The following UBE2B variants were observed in gnomAD, a reference collection of about 807,000 sequenced individuals.
UBE2B encodes ubiquitin-conjugating enzyme E2 B.
UBE2B carries 11 observed loss-of-function variants against 24.6 expected under a neutral mutation model. The observed-to-expected ratio is 0.45, with a 90% CI of 0.28 to 0.74. The LOEUF (loss-of-function observed/expected upper bound fraction) is 0.74. UBE2B is among the 30% of genes least tolerant of loss of function. The pLI is 0.13. For missense variants in UBE2B, 78 were observed against 185.6 expected, an observed-to-expected ratio of 0.42 and a Z score of 3.37; for synonymous variants, 68 against 62.4, an observed-to-expected ratio of 1.09 and a Z score of -0.42.
intron 1 of UBE2B, among the ~76,000 whole-genome samples, chr5:134,372,539 C>T (rs2149689012): frequency 6.6e-6 from 1 of 152,262 alleles, no homozygotes; most frequent in East Asian, 1.9e-4. Context: ...AACATTTTTT[C>T]TGGGGACACC....
chr5:134,388,207 G>A, intron 4 of UBE2B, 118 bp from the exon 5 acceptor site: 1 of 807,274 alleles, frequency 1.2e-6, no homozygotes, highest in South Asian at 1.5e-5. Context: ...TGATACAGAA[G>A]AATTTAGTTA....
chr5:134,379,666 GAAGA>G (rs139861752), intron 3 of UBE2B, among the ~76,000 whole-genome samples: 1,665 of 147,454 alleles, frequency 0.011, 29 homozygotes, highest in African/African-American at 0.04. Context: ...AAAAAAAAAG[GAAGA>G]AAGAAAGAAA....
chr5:134,378,151 C>T (rs2149691158), intron 3 of UBE2B, among the ~76,000 whole-genome samples: 1 of 152,316 alleles, frequency 6.6e-6, no homozygotes, highest in South Asian at 2.1e-4. Flanking sequence ...GCCTGGGTGA[C>T]AGAGTGAGAC....
chr5:134,386,457 C>T (rs1398117712), intron 4 of UBE2B, among the ~76,000 whole-genome samples: 1 of 151,936 alleles, frequency 6.6e-6, no homozygotes, highest in Non-Finnish European at 1.5e-5. Context: ...TATGGCAAAA[C>T]CCCGTCTCTA....
At chr5:134,380,102 G>A (rs1387909609) in intron 3 of UBE2B, among the ~76,000 whole-genome samples, 1 of 152,106 alleles carries the variant, frequency 6.6e-6, no homozygotes, top group African/African-American at 2.4e-5. Flanking sequence ...AGTAGAGGTG[G>A]AGTTTGACCA....
intron 4 of UBE2B, among the ~76,000 whole-genome samples, chr5:134,386,153 C>T (rs1758797446): frequency 6.8e-6 from 1 of 146,318 alleles, no homozygotes; most frequent in African/African-American, 2.6e-5. Context: ...ATGGTAAAAC[C>T]CCATCTCTAC....
rs977351128 is a variant in UBE2B at position 134,391,127 on chromosome 5, T to G, written c.*774T>G. The G allele has an allele frequency of 6.6e-6, 1 of 152,670 alleles. No homozygotes were observed. 9.5% of individuals were successfully genotyped at this position (152,670 alleles called of 1,614,324 possible). A position where few individuals can be genotyped will look rare whatever the true frequency, so the allele number is the denominator to read the frequency against. ...GAGCAGAGAACTGATGCGACTTGTT[T>G]TGCTGCTTGGTAGCACTTTAAAAAA... On this transcript the variant is annotated 3_prime_UTR_variant, in exon 6 of 6. Transcript: ENST00000265339.
At chr5:134,388,295 G>A (rs551017488) in intron 4 of UBE2B, 30 bp from the exon 5 acceptor site, 2 of 1,578,778 alleles carry the variant, frequency 1.3e-6, no homozygotes, top group East Asian at 2.2e-5. Context: ...ATGGCAGAGT[G>A]TGTAACTAAT....
intron 2 of UBE2B, among the ~76,000 whole-genome samples, chr5:134,376,348 A>AAAAAAATATATAT (rs1554114145): frequency 2.1e-4 from 1 of 4,776 alleles, no homozygotes; most frequent in African/African-American, 4.4e-4. Context: ...AAAAAAAAAA[A>AAAAAAATATATAT]ATATATATAT....
At chr5:134,373,283 A>T (rs1279803283) in intron 1 of UBE2B, among the ~76,000 whole-genome samples, 1 of 150,786 alleles carries the variant, frequency 6.6e-6, no homozygotes, top group Admixed American at 6.6e-5. Flanking sequence ...ATGTGTTTTC[A>T]GTCATTTTGT....
chr5:134,389,033 C>T (rs1235982566), intron 5 of UBE2B: 1 of 312,534 alleles, frequency 3.2e-6, no homozygotes, highest in Admixed American at 4.7e-5. Context: ...CTCACCGCAA[C>T]CTCTGCCTCC....
At chr5:134,373,946 C>T (rs544296810) in intron 1 of UBE2B, among the ~76,000 whole-genome samples, 112 of 152,220 alleles carry the variant, frequency 7.4e-4, no homozygotes, top group African/African-American at 2.6e-3. Context: ...AATAAACATA[C>T]GTGTGCATGT....
chr5:134,371,704 C>G (rs1191637731), intron 1 of UBE2B, 65 bp downstream of exon 1: 1 of 1,604,802 alleles, frequency 6.2e-7, no homozygotes, highest in South Asian at 1.1e-5. Context: ...GGGCGTGGAT[C>G]CCAGACACCT....
chr5:134,388,943 A>ATT (rs1561683470), intron 5 of UBE2B: 3 of 234,434 alleles, frequency 1.3e-5, no homozygotes, highest in African/African-American at 4.9e-5. Context: ...CACTTCTTTA[A>ATT]TTGTTTTTTT....
intron 4 of UBE2B, among the ~76,000 whole-genome samples, chr5:134,383,377 T>C (rs777364102): frequency 6.6e-6 from 1 of 151,568 alleles, no homozygotes; most frequent in African/African-American, 2.4e-5. Flanking sequence ...TCGTGTGATC[T>C]CGACTCATCG....
Position 134,374,369 on chromosome 5 carries a change from C to T in UBE2B, c.45-14C>T, listed in dbSNP as rs1157509865. On this transcript the variant is annotated splice_polypyrimidine_tract_variant and intron_variant, in intron 1 of 5. Transcript: ENST00000265339. ...TAATGTTCAACTTTTTAAATTACCACGCTGGATTTCCAGGTTACAAGAGGA... is the reference window on the plus strand; with the variant it reads ...TAATGTTCAACTTTTTAAATTACCATGCTGGATTTCCAGGTTACAAGAGGA... 7.7e-6 allele frequency: 12 copies of T among 1,552,258 alleles called. No individual in the cohort carries two copies. Among genetic ancestry groups the T allele is most frequent in the African/African-American group, 5.5e-5 (4 of 73,224 alleles).
At chr5:134,379,519 G>A (rs947940705) in intron 3 of UBE2B, among the ~76,000 whole-genome samples, 3 of 151,782 alleles carry the variant, frequency 2.0e-5, no homozygotes, top group Admixed American at 6.6e-5. Flanking sequence ...GATGGCACGT[G>A]CCTGTAATCT....
At chr5:134,388,238 C>A in intron 4 of UBE2B, 87 bp from the exon 5 acceptor site, 1 of 1,163,582 alleles carries the variant, frequency 8.6e-7, no homozygotes, top group Non-Finnish European at 1.3e-6. Flanking sequence ...TTTAAAACTT[C>A]TAAGCCAAGC....
chr5:134,381,240 G>A (rs948959781), intron 4 of UBE2B, among the ~76,000 whole-genome samples: 1 of 151,722 alleles, frequency 6.6e-6, no homozygotes, highest in Non-Finnish European at 1.5e-5. Context: ...TGCTGGGTTT[G>A]TTGTGGATTT....
Sources: allele counts gnomAD v4.1 joint callset (sites outside exome capture counted in the v4.1 genomes callset), GRCh38; gene constraint gnomAD v4.1.1; transcripts MANE v1.5; gene names NCBI Gene and HGNC (gene_info 2026-07-23, HGNC 2026-07-21).